Variants in AGAP1 observed in about 807,000 individuals in gnomAD.
The protein encoded by AGAP1 is arf-GAP with GTPase, ANK repeat and PH domain-containing protein 1.
A neutral mutation model predicts 105.3 loss-of-function variants in AGAP1; 29 were observed. The ratio of observed to expected loss-of-function variants is 0.28; its 90% CI spans 0.21 to 0.38. AGAP1 has a LOEUF of 0.38. AGAP1 is among the 10% of genes least tolerant of loss of function. The pLI, the probability that AGAP1 is intolerant of heterozygous loss-of-function variation, is 1.00. For missense variants in AGAP1, 998 were observed against 1,165.1 expected, an observed-to-expected ratio of 0.86 and a Z score of 2.09; for synonymous variants, 509 against 485.9, an observed-to-expected ratio of 1.05 and a Z score of -0.63.
In AGAP1 at chr2:236,012,319, T is replaced by G. The variant is rs1271472750; in HGVS notation, c.1646-24242T>G. 2.0e-5 allele frequency among the ~76,000 whole-genome samples: 3 copies of G among 151,760 alleles called. No homozygotes were observed. ...GGTGCCCAGCCTCCATTCTGCCTAT[T>G]TATATGTAAATATTGCTGCAAGAGG... On this transcript the variant is annotated intron_variant, in intron 13 of 17. Coordinates refer to ENST00000304032, the MANE Select transcript of AGAP1 (RefSeq NM_001037131.3). The surrounding 1 kb of genome is among the most constrained non-coding windows in gnomAD (Gnocchi z 4.9).
At position 235,560,127 on chromosome 2, in the gene AGAP1, T is replaced by A. The variant is rs147725675; in HGVS notation, c.163+65278T>A. ...GAGTTTTCTGATGGTTTCTTTTACG[T>A]TTAGGTCTTTGATTTTGAGTTACTT... On this transcript the variant is annotated intron_variant, in intron 1 of 17. Transcript: ENST00000304032. 6.6e-5 allele frequency among the ~76,000 whole-genome samples: 10 copies of A among 152,252 alleles called. No homozygotes were observed. The South Asian group carries it at 1.0e-3, about 16-fold the overall frequency.
rs1408583628 is a variant in AGAP1, at chr2:235,600,553, A to C, written c.163+105704A>C. ...TTAAGGAGTATTAACTCACAGGATC[A>C]CAAGGTCCCACAATAGGCTGGCTGC... is the stretch of plus-strand genomic sequence containing the variant. On this transcript the variant is annotated intron_variant, in intron 1 of 17. Coordinates refer to ENST00000304032, the MANE Select transcript of AGAP1 (RefSeq NM_001037131.3). The surrounding 1 kb of genome is among the most constrained non-coding windows in gnomAD (Gnocchi z 4.8). 3.3e-5 allele frequency among the ~76,000 whole-genome samples: 5 copies of C among 152,212 alleles called. No individual in the cohort carries two copies.
rs1024157750 is a variant in AGAP1, at chr2:236,086,086, T to C, written c.2115-34106T>C. ...AATCTTCCTTTTCCTACTGCCCTTT[T>C]CCCCCCTCCTCCTGCTTAGAGATAC... On this transcript the variant is annotated intron_variant, in intron 16 of 17. Coordinates refer to ENST00000304032, the MANE Select transcript of AGAP1 (RefSeq NM_001037131.3). Among the ~76,000 whole-genome samples, 5 of 152,136 alleles carry C rather than the reference T, an allele frequency of 3.3e-5. No individual in the cohort carries two copies. The South Asian group carries it at 8.3e-4, about 25-fold the overall frequency.
In AGAP1 at chr2:235,750,518, C is replaced by A; in HGVS notation, c.673+30C>A. 1 of 1,613,702 alleles carries A rather than the reference C, an allele frequency of 6.2e-7. No homozygotes were observed. The highest frequency in any genetic ancestry group is 1.1e-5 in the South Asian group (1 of 91,048). ...ATGCGCGTGGCTGGGAGTTTAATTTCAGTTCATGATAGACGGGAGGCACTT... is the reference window on the plus strand; with the variant it reads ...ATGCGCGTGGCTGGGAGTTTAATTTAAGTTCATGATAGACGGGAGGCACTT... On this transcript the variant is annotated intron_variant, in intron 6 of 17. Transcript: ENST00000304032. The surrounding 1 kb of genome is among the most constrained non-coding windows in gnomAD (Gnocchi z 5.3).
At chr2:235,929,568 A>G (rs906811124) in intron 11 of AGAP1, among the ~76,000 whole-genome samples, 3 of 151,882 alleles carry the variant, frequency 2.0e-5, no homozygotes, top group Non-Finnish European at 4.4e-5. Flanking sequence ...TTAATCGCTG[A>G]TTGGGTGTAG....
intron 5 of AGAP1, among the ~76,000 whole-genome samples, chr2:235,748,376 A>G (rs901932565): frequency 6.6e-6 from 1 of 152,200 alleles, no homozygotes; most frequent in Non-Finnish European, 1.5e-5. Context: ...TTGAAACATC[A>G]TGGACTTGTA....
rs577935219 is a variant in AGAP1, at chr2:235,708,114, A to G, written c.164-1065A>G. Among the ~76,000 whole-genome samples, 10 of 152,342 alleles carry G rather than the reference A, an allele frequency of 6.6e-5. No homozygotes were observed. The East Asian group carries it at 1.5e-3, about 24-fold the overall frequency. ...GTCCTCATATCACACAGTTCTGTGA[A>G]GGTGATGGTGTTTCTTAACTTTTAG... On this transcript the variant is annotated intron_variant, in intron 1 of 17. Transcript: ENST00000304032.
intron 13 of AGAP1, among the ~76,000 whole-genome samples, chr2:236,021,322 G>A (rs1482859144): frequency 1.3e-5 from 2 of 152,128 alleles, no homozygotes; most frequent in East Asian, 1.9e-4. Context: ...AATCACCTCA[G>A]CGCTGAGCAG....
rs1168550846 is a variant in AGAP1, at chr2:235,732,103, C to T, written c.311-8860C>T. 2.0e-5 allele frequency among the ~76,000 whole-genome samples: 3 copies of T among 152,150 alleles called. No individual in the cohort carries two copies. Among genetic ancestry groups the T allele is most frequent in the Admixed American group, 6.5e-5 (1 of 15,282 alleles). ...GTGTATCGCGTGCACTTTTGATCTG[C>T]GGATTCAGATCTTTCTGCGTCTCAG... On this transcript the variant is annotated intron_variant, in intron 3 of 17. Transcript: ENST00000304032. This position sits in a 1 kb window ranked among gnomAD's most constrained non-coding sequence, Gnocchi z 4.8.
intron 9 of AGAP1, among the ~76,000 whole-genome samples, chr2:235,870,408 C>G (rs2049379563): frequency 6.6e-6 from 1 of 152,172 alleles, no homozygotes; most frequent in African/African-American, 2.4e-5. Context: ...AGGTGGATCA[C>G]CTCAGGTCAG....
Position 235,729,529 on chromosome 2 carries a change from C to T in AGAP1, c.311-11434C>T, listed in dbSNP as rs1205208777. On this transcript the variant is annotated intron_variant, in intron 3 of 17. Coordinates refer to ENST00000304032, the MANE Select transcript of AGAP1 (RefSeq NM_001037131.3). The surrounding 1 kb of genome is among the most constrained non-coding windows in gnomAD (Gnocchi z 5.0). ...CTCACGGCGGTCTCACCTCTGCCACCTGTGGATGAGAGGCTGGACCGGGTC... is the reference window on the plus strand; with the variant it reads ...CTCACGGCGGTCTCACCTCTGCCACTTGTGGATGAGAGGCTGGACCGGGTC... Among the ~76,000 whole-genome samples, 1 of 152,156 alleles carries T rather than the reference C, an allele frequency of 6.6e-6. No individual in the cohort carries two copies.
Position 235,720,586 on chromosome 2 carries a change from A to G in AGAP1, c.310+2942A>G, listed in dbSNP as rs992916400. Reference sequence around the variant, plus strand: ...GACCTCCTTTCCTCTTACAACTGCTAGAGCGATCAACTGGGCAGCTACTTT... The same window carrying G: ...GACCTCCTTTCCTCTTACAACTGCTGGAGCGATCAACTGGGCAGCTACTTT... On this transcript the variant is annotated intron_variant, in intron 3 of 17. Coordinates refer to ENST00000304032, the MANE Select transcript of AGAP1 (RefSeq NM_001037131.3). This position sits in a 1 kb window ranked among gnomAD's most constrained non-coding sequence, Gnocchi z 5.0. 1.2e-6 allele frequency: 1 copy of G among 837,164 alleles called. No individual in the cohort carries two copies. The highest frequency in any genetic ancestry group is 1.9e-5 in the African/African-American group (1 of 54,002). 51.9% of individuals were successfully genotyped at this position (837,164 alleles called of 1,614,324 possible). A position where few individuals can be genotyped will look rare whatever the true frequency, so the allele number is the denominator to read the frequency against.
chr2:235,908,592 A>T lies in AGAP1; in HGVS notation c.1156-146A>T, dbSNP rs2051419452. 1 of 700,472 alleles carries T rather than the reference A, an allele frequency of 1.4e-6. No homozygotes were observed. Among genetic ancestry groups the T allele is most frequent in the Admixed American group, 3.0e-5 (1 of 33,566 alleles). The allele number at this position is 700,472 out of a possible 1,614,324, so 43.4% of individuals were successfully genotyped here. ...ATGATGTTACCAGTACTCTATAGAT[A>T]AAAATCTCATGATTTTTAAAGTACT... On this transcript the variant is annotated intron_variant, in intron 10 of 17. Coordinates refer to ENST00000304032, the MANE Select transcript of AGAP1 (RefSeq NM_001037131.3). The surrounding 1 kb of genome is among the most constrained non-coding windows in gnomAD (Gnocchi z 4.4).
Position 235,590,995 on chromosome 2 carries a change from A to G in AGAP1, c.163+96146A>G, listed in dbSNP as rs149123301. On this transcript the variant is annotated intron_variant, in intron 1 of 17. Coordinates refer to ENST00000304032, the MANE Select transcript of AGAP1 (RefSeq NM_001037131.3). ...CTCGGCCTCCCAAAGTGCTGGGATT[A>G]CAGGCGTGAGCCACCGCCCGGCCTA... Among the ~76,000 whole-genome samples, 798 of 150,446 alleles carry G rather than the reference A, an allele frequency of 5.3e-3. 5 individuals are homozygous for G. Among genetic ancestry groups the G allele is most frequent in the Non-Finnish European group, 8.4e-3 (570 of 67,810 alleles).
In AGAP1 at chr2:235,958,236, C is replaced by G. The variant is rs1374171979; in HGVS notation, c.1484-10226C>G. On this transcript the variant is annotated intron_variant, in intron 12 of 17. Transcript: ENST00000304032. This position sits in a 1 kb window ranked among gnomAD's most constrained non-coding sequence, Gnocchi z 4.1. The stretch of plus-strand genomic sequence containing the variant: ...CGTGCCCCTCATCAAACTACGTCCC[C>G]TGAGGGAGAGTGGTTGGAGGTGTTT... Among the ~76,000 whole-genome samples, 1 of 152,128 alleles carries G rather than the reference C, an allele frequency of 6.6e-6. No individual in the cohort carries two copies. The highest frequency in any genetic ancestry group is 2.4e-5 in the African/African-American group (1 of 41,440).
In AGAP1 at chr2:236,125,573, AC is replaced by A. The variant is rs976606630; in HGVS notation, c.*1453del. 9.2e-5 allele frequency: 14 copies of A among 152,348 alleles called. No homozygotes were observed. Among genetic ancestry groups the A allele is most frequent in the African/African-American group, 3.4e-4 (14 of 41,576 alleles). 9.4% of individuals were successfully genotyped at this position (152,348 alleles called of 1,614,324 possible). On this transcript the variant is annotated 3_prime_UTR_variant, in exon 18 of 18. Transcript: ENST00000304032. This position sits in a 1 kb window ranked among gnomAD's most constrained non-coding sequence, Gnocchi z 5.2. ...TTTAGATCGGATACGGCTTTTGCTAACCAAGGACCAAGGGACTCTGGCAAGA... is the reference window on the plus strand; with the variant it reads ...TTTAGATCGGATACGGCTTTTGCTAACAAGGACCAAGGGACTCTGGCAAGA...
intron 1 of AGAP1, among the ~76,000 whole-genome samples, chr2:235,693,624 G>A (rs76314987): frequency 0.013 from 2,011 of 152,250 alleles, 38 homozygotes; most frequent in African/African-American, 0.045. Context: ...TCGAAGCTGC[G>A]GCGGGAGGAT....
rs886817042 is a variant in AGAP1, at chr2:235,934,315, T to C, written c.1483+3392T>C. On this transcript the variant is annotated intron_variant, in intron 12 of 17. Transcript: ENST00000304032. The surrounding 1 kb of genome is among the most constrained non-coding windows in gnomAD (Gnocchi z 4.9). ...GCCTGGTCCACGGACCAAGTGGCATTTGACAGCTCCGGGGATTTGGCTGGT... is the reference window on the plus strand; with the variant it reads ...GCCTGGTCCACGGACCAAGTGGCATCTGACAGCTCCGGGGATTTGGCTGGT... Among the ~76,000 whole-genome samples, 27 of 152,308 alleles carry C rather than the reference T, an allele frequency of 1.8e-4. No homozygotes were observed. The highest frequency in any genetic ancestry group is 1.6e-3 in the Admixed American group (25 of 15,308).
At position 235,665,255 on chromosome 2, in the gene AGAP1, A is replaced by G. The variant is rs1027465149; in HGVS notation, c.164-43924A>G. On this transcript the variant is annotated intron_variant, in intron 1 of 17. Coordinates refer to ENST00000304032, the MANE Select transcript of AGAP1 (RefSeq NM_001037131.3). The surrounding 1 kb of genome is among the most constrained non-coding windows in gnomAD (Gnocchi z 5.3). Reference sequence around the variant, plus strand: ...CAGTGTTCTGTTGGCAGGAATTGCTATCGTTGGTCCTTAAGGAAAAACACA... The same window carrying G: ...CAGTGTTCTGTTGGCAGGAATTGCTGTCGTTGGTCCTTAAGGAAAAACACA... Among the ~76,000 whole-genome samples the G allele has an allele frequency of 1.1e-4, 16 of 152,180 alleles. No individual in the cohort carries two copies. Among genetic ancestry groups the G allele is most frequent in the Non-Finnish European group, 1.9e-4 (13 of 68,030 alleles).
Sources: gnomAD v4.1 joint callset for allele counts (sites outside exome capture counted in the v4.1 genomes callset) on GRCh38, gnomAD v4.1.1 for gene constraint, Gnocchi (gnomAD v3.1) non-coding constraint, MANE v1.5 for transcripts, NCBI Gene and HGNC (gene_info 2026-07-23, HGNC 2026-07-21) for gene names.